PLXNA4: variants seen among roughly 807,000 people sequenced by gnomAD.
PLXNA4 encodes the protein plexin A4, also known as plexin-A4.
A neutral mutation model predicts 191.8 loss-of-function variants in PLXNA4; 44 were observed. The observed-to-expected ratio is 0.23, with a 90% CI of 0.18 to 0.29. The LOEUF (loss-of-function observed/expected upper bound fraction) is 0.29, where lower values mean the gene tolerates loss of function less well. Ranked by LOEUF, PLXNA4 falls within the 10% of genes least tolerant of loss-of-function variation. The pLI, the probability that PLXNA4 is intolerant of heterozygous loss-of-function variation, is 1.00. For synonymous variants in PLXNA4, 1,082 were observed against 1,009.5 expected (o/e 1.07, Z -1.36); for missense variants, 1,800 against 2,488.8 (o/e 0.72, Z 5.89).
At chr7:132,352,168 C>T (rs193126494) in intron 3 of PLXNA4, among the ~76,000 whole-genome samples, 82 of 152,310 alleles carry the variant, frequency 5.4e-4, no homozygotes, top group Non-Finnish European at 1.5e-4. Flanking sequence ...TGCTGGCTGC[C>T]ATCCCAGGGG....
In PLXNA4 at chr7:132,366,473, G is replaced by A. The variant is rs529659130; in HGVS notation, c.1372-68251C>T. 3.0e-4 allele frequency among the ~76,000 whole-genome samples: 45 copies of A among 152,142 alleles called. 1 individual carries two copies. The highest frequency in any genetic ancestry group is 4.4e-5 in the Non-Finnish European group (3 of 67,994). On this transcript the variant is annotated intron_variant, in intron 3 of 31. Transcript: ENST00000321063. ...CAGGATGCGGAGGCTGCAGTGAGCC[G>A]AGATTGTGTGACTGCACTCCAGCCT...
chr7:132,608,458 C>A (rs1415211569), intron 2 of PLXNA4, among the ~76,000 whole-genome samples: 1 of 152,228 alleles, frequency 6.6e-6, no homozygotes, highest in African/African-American at 2.4e-5. Flanking sequence ...GAGGAACACT[C>A]AGTCCAATGG....
rs1562978634 is a variant in PLXNA4 at position 132,227,439 on chromosome 7, C to CGG, written c.1882+10_1882+11dup. On this transcript the variant is annotated intron_variant, in intron 7 of 31. Transcript: ENST00000321063. Reference sequence around the variant, plus strand: ...AAGAAGTGCCACTCAGCTGTGCCTCCGGGATGCTCACCATTCTCTGTGATG... The same window carrying CGG: ...AAGAAGTGCCACTCAGCTGTGCCTCCGGGGGATGCTCACCATTCTCTGTGATG... 6.2e-7 allele frequency: 1 copy of CGG among 1,614,032 alleles called. No individual in the cohort carries two copies. The highest frequency in any genetic ancestry group is 1.7e-5 in the Admixed American group (1 of 60,000).
intron 4 of PLXNA4, among the ~76,000 whole-genome samples, chr7:132,246,322 G>A (rs1457562081): frequency 6.6e-6 from 1 of 152,146 alleles, no homozygotes; most frequent in Non-Finnish European, 1.5e-5. Context: ...TCTCAAATGG[G>A]TTTTGGATAA....
intron 25 of PLXNA4, among the ~76,000 whole-genome samples, chr7:132,149,036 T>C (rs933659782): frequency 6.6e-6 from 1 of 152,170 alleles, no homozygotes; most frequent in Non-Finnish European, 1.5e-5. Context: ...GTAGCGTGAC[T>C]TGTTTGGAAG....
At chr7:132,331,890 A>G (rs62466379) in intron 3 of PLXNA4, among the ~76,000 whole-genome samples, 14,332 of 152,088 alleles carry the variant, frequency 0.094, 862 homozygotes, top group Admixed American at 0.2. Context: ...ACATTAATGC[A>G]TCTGTGAGAA....
chr7:132,574,778 A>C (rs535205615), intron 1 of PLXNA4, among the ~76,000 whole-genome samples: 71 of 152,298 alleles, frequency 4.7e-4, no homozygotes, highest in Non-Finnish European at 6.6e-4. Flanking sequence ...AGCTGAAAAA[A>C]GTTTGGAAAT....
At chr7:132,213,509 T>C (rs1797868531) in intron 9 of PLXNA4, among the ~76,000 whole-genome samples, 1 of 151,272 alleles carries the variant, frequency 6.6e-6, no homozygotes, top group Non-Finnish European at 1.5e-5. Context: ...TGTGGGTCTC[T>C]GGAGACGCCA....
chr7:132,512,210 C>T (rs548542935), intron 1 of PLXNA4, among the ~76,000 whole-genome samples: 11 of 152,348 alleles, frequency 7.2e-5, no homozygotes, highest in Admixed American at 7.2e-4. Flanking sequence ...GAGAGAACTT[C>T]GCACAGTCTC....
chr7:132,264,721 A>G (rs73157235), intron 4 of PLXNA4, among the ~76,000 whole-genome samples: 5,795 of 146,932 alleles, frequency 0.039, 182 homozygotes, highest in Middle Eastern at 0.062. Context: ...TTTTGTAGAC[A>G]GAGTCTCACT....
rs544533360 is a variant in PLXNA4, at chr7:132,350,225, C to T, written c.1372-52003G>A. On this transcript the variant is annotated intron_variant, in intron 3 of 31. Transcript: ENST00000321063. Reference sequence around the variant, plus strand: ...GATCAAGAATACATTAACTCAGGGCCAGGTGCGGTGGCTCACACCTGTAAT... The same window carrying T: ...GATCAAGAATACATTAACTCAGGGCTAGGTGCGGTGGCTCACACCTGTAAT... Among the ~76,000 whole-genome samples, 30 of 152,242 alleles carry T rather than the reference C, an allele frequency of 2.0e-4. No homozygotes were observed. In the South Asian group the frequency reaches 6.0e-3, roughly 31 times the overall value.
intron 1 of PLXNA4, among the ~76,000 whole-genome samples, chr7:132,571,507 G>T (rs1362522879): frequency 6.6e-6 from 1 of 152,092 alleles, no homozygotes; most frequent in Non-Finnish European, 1.5e-5. Flanking sequence ...GAAACTCTAG[G>T]AGTAATAAAT....
chr7:132,230,383 C>CA (rs1798485391), intron 5 of PLXNA4, among the ~76,000 whole-genome samples: 1 of 152,200 alleles, frequency 6.6e-6, no homozygotes, highest in South Asian at 2.1e-4. Context: ...ATTTTCCCCT[C>CA]AATCTTTCTG....
chr7:132,206,749 TGCCTCTGCAGACAGCTGGGA>T (rs1797636439), intron 10 of PLXNA4, among the ~76,000 whole-genome samples: 1 of 152,140 alleles, frequency 6.6e-6, no homozygotes, highest in Non-Finnish European at 1.5e-5. Flanking sequence ...GGAGCCTCTC[TGCCTCTGCAGACAGCTGGGA>T]GCCTGGACCA....
intron 14 of PLXNA4, among the ~76,000 whole-genome samples, chr7:132,189,004 GAGAGAGAGA>G (rs1796990575): frequency 1.4e-5 from 1 of 72,210 alleles, no homozygotes; most frequent in Non-Finnish European, 2.8e-5. Flanking sequence ...GAGAGAGAGA[GAGAGAGAGA>G]GAGAGAGAGA....
At chr7:132,227,727 G>T in intron 6 of PLXNA4, 123 bp from the exon 7 acceptor site, 1 of 1,277,146 alleles carries the variant, frequency 7.8e-7, no homozygotes, top group Non-Finnish European at 1.1e-6. Flanking sequence ...CAAGCAAGAG[G>T]CAATATTAAC....
At chr7:132,176,032 A>G (rs1796444993) in intron 20 of PLXNA4, among the ~76,000 whole-genome samples, 1 of 152,210 alleles carries the variant, frequency 6.6e-6, no homozygotes, top group Non-Finnish European at 1.5e-5. Flanking sequence ...TGATCACAGA[A>G]ACACAATGCA....
At chr7:132,317,618 G>T (rs972151615) in intron 3 of PLXNA4, among the ~76,000 whole-genome samples, 4 of 152,176 alleles carry the variant, frequency 2.6e-5, no homozygotes, top group African/African-American at 9.7e-5. Context: ...TGGATTTACT[G>T]GTCTGGGATT....
chr7:132,627,583 T>C (rs1156296949), intron 2 of PLXNA4, among the ~76,000 whole-genome samples: 1 of 152,228 alleles, frequency 6.6e-6, no homozygotes, highest in African/African-American at 2.4e-5. Context: ...TGTGACAGTA[T>C]TAAGAGAAAG....
Sources: allele counts gnomAD v4.1 joint callset (sites outside exome capture counted in the v4.1 genomes callset), GRCh38; gene constraint gnomAD v4.1.1; transcripts MANE v1.5; gene names NCBI Gene and HGNC (gene_info 2026-07-23, HGNC 2026-07-21).